The following KCNMA1 variants were observed in gnomAD, a reference collection of about 807,000 sequenced individuals.
KCNMA1 encodes potassium calcium-activated channel subfamily M alpha 1, also known as Calcium-activated potassium channel subunit alpha-1.
In KCNMA1, 29 loss-of-function variants were observed where a neutral mutation model predicts 140.0. That is an observed-to-expected ratio of 0.21 (90% CI 0.15 to 0.28). The LOEUF is 0.28. KCNMA1 is among the 10% of genes least tolerant of loss of function. The pLI, the probability that KCNMA1 is intolerant of heterozygous loss-of-function variation, is 1.00. For missense variants in KCNMA1, 880 were observed against 1,602.2 expected, an observed-to-expected ratio of 0.55 and a Z score of 7.70; for synonymous variants, 612 against 611.9, an observed-to-expected ratio of 1.00 and a Z score of 0.00.
intron 1 of KCNMA1, among the ~76,000 whole-genome samples, chr10:77,550,462 C>A (rs550572080): frequency 6.6e-6 from 1 of 152,218 alleles, no homozygotes; most frequent in East Asian, 1.9e-4. Flanking sequence ...TCCTGTCTCG[C>A]TTTCTCTTTT....
chr10:76,989,122 C>G (rs1423627038), intron 19 of KCNMA1, among the ~76,000 whole-genome samples: 1 of 151,250 alleles, frequency 6.6e-6, no homozygotes, highest in East Asian at 1.9e-4. Context: ...CTAATAACCC[C>G]CAAATCACTG....
chr10:76,937,155 T>C (rs139088680), intron 23 of KCNMA1, among the ~76,000 whole-genome samples: 3 of 152,312 alleles, frequency 2.0e-5, no homozygotes, highest in African/African-American at 7.2e-5. Flanking sequence ...AGGCTGTCCA[T>C]GCTGTTCTGG....
At chr10:77,159,401 T>A (rs759364944) in intron 5 of KCNMA1, among the ~76,000 whole-genome samples, 1 of 152,160 alleles carries the variant, frequency 6.6e-6, no homozygotes, top group Admixed American at 6.5e-5. Context: ...AGCCTTCTTA[T>A]GGGAAAGATG....
chr10:77,350,161 A>T (rs1425071136), intron 2 of KCNMA1, among the ~76,000 whole-genome samples: 2 of 152,200 alleles, frequency 1.3e-5, no homozygotes, highest in Admixed American at 6.5e-5. Flanking sequence ...GGCCTCCCAA[A>T]GTGCTGGGAT....
At chr10:77,337,753 C>T (rs1003535579) in intron 2 of KCNMA1, among the ~76,000 whole-genome samples, 3 of 152,218 alleles carry the variant, frequency 2.0e-5, no homozygotes, top group African/African-American at 4.8e-5. Flanking sequence ...AGCAGGATTA[C>T]ATTACCCTGC....
intron 25 of KCNMA1, chr10:76,904,655 T>C (rs574976499): frequency 4.6e-5 from 7 of 152,166 alleles, no homozygotes; most frequent in Non-Finnish European, 8.8e-5. Flanking sequence ...TTCCCCTTTT[T>C]CTCCTCAGAA....
chr10:77,111,824 G>T (rs958055761), intron 7 of KCNMA1, among the ~76,000 whole-genome samples: 1 of 152,192 alleles, frequency 6.6e-6, no homozygotes, highest in Non-Finnish European at 1.5e-5. Context: ...AAAGCAGGGG[G>T]AAAGTCTGCC....
intron 1 of KCNMA1, among the ~76,000 whole-genome samples, chr10:77,502,624 A>G (rs1477809733): frequency 6.6e-6 from 1 of 152,200 alleles, no homozygotes; most frequent in Admixed American, 6.5e-5. Flanking sequence ...CACCAAGAGA[A>G]GAACTTCAGT....
At chr10:77,459,552 C>G (rs1009729284) in intron 1 of KCNMA1, among the ~76,000 whole-genome samples, 18 of 152,242 alleles carry the variant, frequency 1.2e-4, no homozygotes, top group African/African-American at 4.3e-4. Flanking sequence ...ATTTGAGAGA[C>G]ACAGTTGGAG....
intron 1 of KCNMA1, among the ~76,000 whole-genome samples, chr10:77,628,762 C>T (rs553701027): frequency 8.7e-4 from 133 of 152,226 alleles, no homozygotes; most frequent in African/African-American, 3.0e-3. Flanking sequence ...ACCTTAATTA[C>T]TTCTTCCCCA....
At chr10:76,977,570 T>A (rs942670373) in intron 19 of KCNMA1, 10 of 702,964 alleles carry the variant, frequency 1.4e-5, no homozygotes, top group African/African-American at 8.7e-5. Context: ...TGCTGACCCC[T>A]GCAGTAGTTT....
At chr10:77,418,168 G>A (rs40431) in intron 1 of KCNMA1, among the ~76,000 whole-genome samples, 2,836 of 152,292 alleles carry the variant, frequency 0.019, 42 homozygotes, top group South Asian at 0.05. Context: ...AAAGGAGACA[G>A]GACTTCTTTT....
intron 5 of KCNMA1, among the ~76,000 whole-genome samples, chr10:77,159,029 G>A (rs2098524360): frequency 6.6e-6 from 1 of 152,228 alleles, no homozygotes; most frequent in African/African-American, 2.4e-5. Flanking sequence ...ACTTTGTGTT[G>A]TGTGAGTTTT....
chr10:76,885,424 T>TG lies in KCNMA1; in HGVS notation c.*1841dup. On this transcript the variant is annotated 3_prime_UTR_variant, in exon 28 of 28. Coordinates refer to ENST00000286628, the MANE Select transcript of KCNMA1 (RefSeq NM_001161352.2). ...TACTACGCTGCCCCTGTCTTTGGTG[T>TG]GGGGGAGGGTGGAGGTTCTGACTGA... is the stretch of plus-strand genomic sequence containing the variant. 2 of 985,120 alleles carry TG rather than the reference T, an allele frequency of 2.0e-6. No individual in the cohort carries two copies. Among genetic ancestry groups the TG allele is most frequent in the Non-Finnish European group, 2.4e-6 (2 of 829,830 alleles). The allele number at this position is 985,120 out of a possible 1,614,324, so 61.0% of individuals were successfully genotyped here.
At chr10:77,034,825 T>A (rs918614058) in intron 15 of KCNMA1, among the ~76,000 whole-genome samples, 2 of 152,208 alleles carry the variant, frequency 1.3e-5, no homozygotes, top group Admixed American at 1.3e-4. Context: ...ACATCTTTTG[T>A]CCTAATCCCC....
chr10:77,361,649 G>A (rs1003367161), intron 2 of KCNMA1, among the ~76,000 whole-genome samples: 15 of 152,242 alleles, frequency 9.9e-5, no homozygotes, highest in Admixed American at 3.9e-4. Context: ...CAAGGAGCAG[G>A]CGAGTGCAGG....
At chr10:77,286,321 T>C (rs890831897) in intron 2 of KCNMA1, among the ~76,000 whole-genome samples, 2 of 152,186 alleles carry the variant, frequency 1.3e-5, no homozygotes, top group Admixed American at 6.5e-5. Flanking sequence ...CGGAGGCTGA[T>C]TGCCAAAGTT....
chr10:77,077,827 T>C (rs530552091), intron 13 of KCNMA1: 1 of 152,344 alleles, frequency 6.6e-6, no homozygotes, highest in African/African-American at 2.4e-5. Context: ...ACCCGTACAT[T>C]ACCAATATCC....
intron 1 of KCNMA1, chr10:77,634,731 G>A (rs1423106389): frequency 2.5e-6 from 2 of 805,988 alleles, no homozygotes; most frequent in Admixed American, 1.3e-4. Flanking sequence ...TGTGTATCGA[G>A]TCTTGACAAA....
Sources: allele counts gnomAD v4.1 joint callset (sites outside exome capture counted in the v4.1 genomes callset), GRCh38; gene constraint gnomAD v4.1.1; transcripts MANE v1.5; gene names NCBI Gene and HGNC (gene_info 2026-07-23, HGNC 2026-07-21).